The following CSMD2 variants were observed in gnomAD, a reference collection of about 807,000 sequenced individuals.
CSMD2 encodes the protein CUB and sushi domain-containing protein 2.
In CSMD2, 130 loss-of-function variants were observed where a neutral mutation model predicts 398.5. The ratio of observed to expected loss-of-function variants is 0.33; its 90% CI spans 0.28 to 0.38. The LOEUF (loss-of-function observed/expected upper bound fraction) is 0.38. Ranked by LOEUF, CSMD2 falls within the 10% of genes least tolerant of loss-of-function variation. The probability of loss-of-function intolerance (pLI) is 1.00; values close to 1 mark genes in which losing one functional copy is unlikely to be tolerated. For missense variants in CSMD2, 3,829 were observed against 4,764.9 expected (o/e 0.80, Z 5.78); for synonymous variants, 1,828 against 1,908.5 (o/e 0.96, Z 1.10).
chr1:33,522,127 A>G (rs1488905614), intron 67 of CSMD2, among the ~76,000 whole-genome samples: 2 of 152,174 alleles, frequency 1.3e-5, no homozygotes, highest in African/African-American at 4.8e-5. Context: ...CAGACCCCCA[A>G]ATGTGCAGTC....
At chr1:33,883,337 G>A (rs77851779) in intron 5 of CSMD2, among the ~76,000 whole-genome samples, 16 of 152,112 alleles carry the variant, frequency 1.1e-4, no homozygotes, top group African/African-American at 2.9e-4. Flanking sequence ...AAATATCTCC[G>A]AGCCTCAGAT....
chr1:34,108,243 A>G (rs1280170146), intron 1 of CSMD2, among the ~76,000 whole-genome samples: 1 of 150,352 alleles, frequency 6.7e-6, no homozygotes, highest in Non-Finnish European at 1.5e-5. Context: ...TTTAAAAATG[A>G]GAGAGAGAAA....
chr1:33,646,774 G>A lies in CSMD2; in HGVS notation c.4648C>T (p.Pro1550Ser). 1 of 1,614,064 alleles carries A rather than the reference G, an allele frequency of 6.2e-7. No homozygotes were observed. Among genetic ancestry groups the A allele is most frequent in the Non-Finnish European group, 8.5e-7 (1 of 1,179,978 alleles). ...HIYDGRDSLS[P>S]LIGSFYGSQL... ...GAGCCATAGAAGCTTCCTATGAGAG[G>A]GCTGAGAGAGTCCCGTCCGTCGTAG... Residue 1550 changes from proline to serine, a missense_variant, in exon 29 of 71, where the codon CCT becomes TCT. Around this residue, in one of 5 missense-constraint regions of CSMD2, gnomAD observed 2,001 missense variants for 2,567.1 expected, o/e 0.78. Coordinates refer to ENST00000373381, the MANE Select transcript of CSMD2 (RefSeq NM_001281956.2).
At chr1:33,600,231 T>C in intron 44 of CSMD2, 1 of 707,940 alleles carries the variant, frequency 1.4e-6, no homozygotes, top group Non-Finnish European at 2.6e-6. Context: ...GGTTAAAATA[T>C]CTGCAGTGAT....
chr1:34,125,594 A>G (rs936992493), intron 1 of CSMD2, among the ~76,000 whole-genome samples: 1 of 151,832 alleles, frequency 6.6e-6, no homozygotes, highest in Non-Finnish European at 1.5e-5. Context: ...GCCCTGCAGC[A>G]CCGTGGTTGC....
intron 15 of CSMD2, among the ~76,000 whole-genome samples, chr1:33,727,975 A>G (rs1410047261): frequency 1.3e-5 from 2 of 152,164 alleles, no homozygotes; most frequent in Admixed American, 6.5e-5. Context: ...TACATACGTA[A>G]TCATGTTCAC....
chr1:33,846,941 G>A lies in CSMD2; in HGVS notation c.976C>T (p.Leu326=). 1 of 1,611,064 alleles carries A rather than the reference G, an allele frequency of 6.2e-7. No individual in the cohort carries two copies. Among genetic ancestry groups the A allele is most frequent in the Non-Finnish European group, 8.5e-7 (1 of 1,178,516 alleles). ...TGGTTGCCATCCGATGTGAAGTGCA[G>A]TCGCAGCCAGTTCTTGCTGCTGATA... ...PVISSKNWLR[L]HFTSDGNHRQ... Residue 326 remains leucine (L), a synonymous_variant, in exon 6 of 71, where the codon CTG becomes TTG. Coordinates refer to ENST00000373381, the MANE Select transcript of CSMD2 (RefSeq NM_001281956.2).
chr1:33,652,806 T>G (rs986573537), intron 27 of CSMD2, among the ~76,000 whole-genome samples: 2 of 152,228 alleles, frequency 1.3e-5, no homozygotes, highest in Non-Finnish European at 2.9e-5. Flanking sequence ...CCAGGCTGGA[T>G]TGCAGTAGCG....
At position 33,788,611 on chromosome 1, in the gene CSMD2, G is replaced by A. The variant is rs771830836; in HGVS notation, c.1652C>T (p.Ala551Val). ...DGSGSSLGFKASYEEIEQGSC... is the reference protein window; with the variant it reads ...DGSGSSLGFKVSYEEIEQGSC... Reference sequence around the variant, plus strand: ...CCAAAAGCAGTTACCTTCATAAGAAGCCTTGAATCCCAGGGAACTGCCACT... The same window carrying A: ...CCAAAAGCAGTTACCTTCATAAGAAACCTTGAATCCCAGGGAACTGCCACT... The change falls in exon 12 of 71, where the codon GCT (alanine) becomes GTT (valine). Residue 551 changes from alanine (A) to valine (V), a missense_variant. Transcript: ENST00000373381. 2.5e-6 allele frequency: 4 copies of A among 1,604,356 alleles called. No homozygotes were observed. The highest frequency in any genetic ancestry group is 3.4e-6 in the Non-Finnish European group (4 of 1,171,342).
chr1:33,846,424 G>T (rs901574641), intron 6 of CSMD2, among the ~76,000 whole-genome samples: 2 of 152,248 alleles, frequency 1.3e-5, no homozygotes, highest in Non-Finnish European at 2.9e-5. Flanking sequence ...GCAAAGGCTG[G>T]TGGTTAAGAG....
chr1:33,741,257 G>A (rs947272636), intron 14 of CSMD2, among the ~76,000 whole-genome samples: 1 of 152,042 alleles, frequency 6.6e-6, no homozygotes, highest in Non-Finnish European at 1.5e-5. Context: ...TGTCTGGGGA[G>A]GCAAGCTCCC....
rs770700095 is a variant in CSMD2, at chr1:33,614,562, T to C, written c.6075A>G (p.Pro2025=). 2 of 1,613,346 alleles carry C rather than the reference T, an allele frequency of 1.2e-6. No individual in the cohort carries two copies. The highest frequency in any genetic ancestry group is 1.1e-5 in the South Asian group (1 of 91,038). The change falls in exon 40 of 71, where the codon CCA becomes CCG. Residue 2025 remains proline, a synonymous_variant. Transcript: ENST00000373381. ...AGTCCATGTTACTGGGGTAGTTGCC[T>C]GGGAAGCCGGGGCTCAGGATCACCC... ...MEGVILSPGF[P]GNYPSNMDCS...
At chr1:33,757,697 TTATC>T (rs1368627633) in intron 13 of CSMD2, among the ~76,000 whole-genome samples, 2 of 152,206 alleles carry the variant, frequency 1.3e-5, no homozygotes, top group Non-Finnish European at 2.9e-5. Flanking sequence ...ATTGAACTCT[TTATC>T]TATTTTCCTA....
intron 55 of CSMD2, among the ~76,000 whole-genome samples, chr1:33,554,442 C>T (rs963651397): frequency 2.0e-5 from 3 of 152,016 alleles, no homozygotes; most frequent in South Asian, 2.1e-4. Flanking sequence ...ATCCACCTGC[C>T]TCGGCCTCCC....
Position 33,567,720 on chromosome 1 carries a change from A to T in CSMD2, c.8253T>A (p.Asn2751Lys), listed in dbSNP as rs1659185792. 6.2e-7 allele frequency: 1 copy of T among 1,613,984 alleles called. No homozygotes were observed. Among genetic ancestry groups the T allele is most frequent in the Non-Finnish European group, 8.5e-7 (1 of 1,180,014 alleles). ...TGCCCCGGTAGCTGTAGTTCTCCCCATTGATGTGTCCGTTGACAATGGGCT... is the reference window on the plus strand; with the variant it reads ...TGCCCCGGTAGCTGTAGTTCTCCCCTTTGATGTGTCCGTTGACAATGGGCT... ...TPEPIVNGHI[N>K]GENYSYRGSV... is the part of the protein sequence containing the mutation. The change falls in exon 53 of 71, where the codon AAT becomes AAA. Residue 2751 changes from asparagine to lysine, a missense_variant. Asn to Lys is a moderately conservative substitution (Grantham distance 94). Transcript: ENST00000373381.
intron 2 of CSMD2, among the ~76,000 whole-genome samples, chr1:34,087,620 T>TAAG (rs1353847278): frequency 9.9e-6 from 1 of 101,332 alleles, no homozygotes; most frequent in Non-Finnish European, 2.0e-5. Context: ...AGTATAATAA[T>TAAG]AATAATAATA....
At chr1:33,620,190 G>A (rs1641677663) in intron 37 of CSMD2, among the ~76,000 whole-genome samples, 2 of 152,196 alleles carry the variant, frequency 1.3e-5, no homozygotes. Context: ...ACTTTTGAAA[G>A]CATATTGCTC....
At chr1:33,839,924 TC>T in intron 6 of CSMD2, 1 of 153,192 alleles carries the variant, frequency 6.5e-6, no homozygotes. Context: ...TATGCAAAGC[TC>T]CCCAGAAGCT....
chr1:33,893,272 C>A (rs1012679832), intron 5 of CSMD2, among the ~76,000 whole-genome samples: 3 of 152,188 alleles, frequency 2.0e-5, no homozygotes, highest in Admixed American at 6.5e-5. Context: ...CTCGTAAGCA[C>A]AATTTTTGGC....
Sources: allele counts gnomAD v4.1 joint callset (sites outside exome capture counted in the v4.1 genomes callset), GRCh38; gene constraint gnomAD v4.1.1; regional missense constraint gnomAD v4.1.1; transcripts MANE v1.5; gene names NCBI Gene and HGNC (gene_info 2026-07-23, HGNC 2026-07-21).